The following GABRB1 variants were observed in gnomAD, a reference collection of about 807,000 sequenced individuals.
GABRB1 encodes the protein gamma-aminobutyric acid receptor subunit beta-1.
GABRB1 carries 17 observed loss-of-function variants against 51.6 expected under a neutral mutation model. The observed-to-expected ratio is 0.33, with a 90% CI of 0.23 to 0.49. The LOEUF is 0.49. GABRB1 is among the 20% of genes least tolerant of loss of function. GABRB1 has a pLI of 0.99. For synonymous variants in GABRB1, 247 were observed against 218.9 expected (o/e 1.13, Z -1.14); for missense variants, 410 against 600.6 (o/e 0.68, Z 3.32).
intron 4 of GABRB1, among the ~76,000 whole-genome samples, chr4:47,196,173 C>T (rs1719673951): frequency 6.6e-6 from 1 of 152,214 alleles, no homozygotes; most frequent in Admixed American, 6.5e-5. Flanking sequence ...GGTGAATCCT[C>T]AAATATACCC....
intron 5 of GABRB1, among the ~76,000 whole-genome samples, chr4:47,333,734 A>G (rs1407024122): frequency 6.6e-6 from 1 of 151,980 alleles, no homozygotes; most frequent in East Asian, 1.9e-4. Context: ...CCCAAAAAAA[A>G]GAATAGCTTG....
rs1034123447 is a variant in GABRB1, at chr4:47,356,475, A to G, written c.544+36266A>G. ...AAGATTTATTTTCTGATCATGTCCAATGAAGTACTCAGTCAATCTTGTCTG... is the reference window on the plus strand; with the variant it reads ...AAGATTTATTTTCTGATCATGTCCAGTGAAGTACTCAGTCAATCTTGTCTG... On this transcript the variant is annotated intron_variant, in intron 5 of 8. Coordinates refer to ENST00000295454, the MANE Select transcript of GABRB1 (RefSeq NM_000812.4). Among the ~76,000 whole-genome samples, 6 of 152,312 alleles carry G rather than the reference A, an allele frequency of 3.9e-5. No homozygotes were observed. The East Asian group carries it at 5.8e-4, about 15-fold the overall frequency.
At chr4:47,300,876 A>G (rs1724233568) in intron 4 of GABRB1, among the ~76,000 whole-genome samples, 1 of 152,170 alleles carries the variant, frequency 6.6e-6, no homozygotes, top group Non-Finnish European at 1.5e-5. Flanking sequence ...ATACAGATAC[A>G]TACATATGTA....
intron 4 of GABRB1, among the ~76,000 whole-genome samples, chr4:47,175,906 C>A (rs1209773290): frequency 6.6e-6 from 1 of 151,974 alleles, no homozygotes; most frequent in Admixed American, 6.6e-5. Context: ...AAGGTGGTAG[C>A]AAATTGTTAC....
At chr4:47,004,209 G>A (rs1159205094) in intron 1 of GABRB1, among the ~76,000 whole-genome samples, 3 of 152,062 alleles carry the variant, frequency 2.0e-5, no homozygotes, top group Non-Finnish European at 4.4e-5. Flanking sequence ...GGTTGGTCTC[G>A]ATCTCCTTAC....
chr4:47,156,737 G>C (rs921395560), intron 3 of GABRB1, among the ~76,000 whole-genome samples: 4 of 151,854 alleles, frequency 2.6e-5, no homozygotes, highest in South Asian at 2.1e-4. Flanking sequence ...GGGGGACCGA[G>C]GGGGGGCAGA....
In GABRB1 at chr4:47,024,933, C is replaced by CATATATATATATAT. The variant is rs34532575; in HGVS notation, c.-19-6976_-19-6963dup. ...TTTTTATGGCTGGGTAGTATTCCATCATATATATATATATATATGTTATTT... is the reference window on the plus strand; with the variant it reads ...TTTTTATGGCTGGGTAGTATTCCATCATATATATATATATATATATATATATATATATGTTATTT... On this transcript the variant is annotated intron_variant, in intron 1 of 3. Transcript: ENST00000513567. Among the ~76,000 whole-genome samples the CATATATATATATAT allele has an allele frequency of 4.6e-4, 40 of 86,202 alleles. 3 individuals carry two copies. Among genetic ancestry groups the CATATATATATATAT allele is most frequent in the African/African-American group, 1.1e-3 (23 of 20,114 alleles). The allele number at this position is 86,202 out of a possible 152,430, so 56.6% of individuals were successfully genotyped here.
At position 47,150,349 on chromosome 4, in the gene GABRB1, T is replaced by C. The variant is rs200722216; in HGVS notation, c.241-10900T>C. On this transcript the variant is annotated intron_variant, in intron 3 of 8. Coordinates refer to ENST00000295454, the MANE Select transcript of GABRB1 (RefSeq NM_000812.4). ...ACACACACACACACACACACGCACA[T>C]ACACACACACACACGCACATACACA... 2.3e-3 allele frequency among the ~76,000 whole-genome samples: 258 copies of C among 112,890 alleles called. 1 individual carries two copies. In the East Asian group the frequency reaches 0.033, roughly 14 times the overall value. The allele number at this position is 112,890 out of a possible 152,430, so 74.1% of individuals were successfully genotyped here. A position where few individuals can be genotyped will look rare whatever the true frequency, so the allele number is the denominator to read the frequency against.
chr4:47,377,459 A>C (rs1727428485), intron 5 of GABRB1, among the ~76,000 whole-genome samples: 1 of 136,814 alleles, frequency 7.3e-6, no homozygotes, highest in Admixed American at 7.1e-5. Flanking sequence ...TCAGGAGTGA[A>C]GCTGCAGACC....
chr4:47,056,071 A>C (rs1293784203), intron 3 of GABRB1, among the ~76,000 whole-genome samples: 1 of 152,228 alleles, frequency 6.6e-6, no homozygotes, highest in African/African-American at 2.4e-5. Flanking sequence ...TTGCTGATAC[A>C]TCCAAATTTC....
intron 4 of GABRB1, among the ~76,000 whole-genome samples, chr4:47,163,705 G>T (rs1470535678): frequency 2.0e-5 from 3 of 151,900 alleles, no homozygotes; most frequent in Non-Finnish European, 4.4e-5. Flanking sequence ...AAAGAAAAAA[G>T]AAACTTTTCA....
intron 4 of GABRB1, among the ~76,000 whole-genome samples, chr4:47,295,508 G>A (rs1723944505): frequency 1.3e-5 from 2 of 152,180 alleles, no homozygotes; most frequent in Admixed American, 1.3e-4. Flanking sequence ...AAGGGTATCA[G>A]TGATGGAAGA....
At chr4:47,337,575 C>T (rs1031787346) in intron 5 of GABRB1, among the ~76,000 whole-genome samples, 9 of 151,774 alleles carry the variant, frequency 5.9e-5, no homozygotes, top group African/African-American at 1.9e-4. Context: ...GAGGCCGAGG[C>T]AGGTGGATCA....
intron 4 of GABRB1, among the ~76,000 whole-genome samples, chr4:47,163,492 G>T (rs1718048806): frequency 6.6e-6 from 1 of 151,980 alleles, no homozygotes; most frequent in Non-Finnish European, 1.5e-5. Context: ...GTAGAAATTT[G>T]CCAGTGGACA....
intron 4 of GABRB1, among the ~76,000 whole-genome samples, chr4:47,214,193 C>A (rs1350570883): frequency 3.9e-5 from 6 of 152,180 alleles, no homozygotes; most frequent in African/African-American, 1.4e-4. Flanking sequence ...GTCCTGTGAA[C>A]TTTCAATGTC....
intron 4 of GABRB1, among the ~76,000 whole-genome samples, chr4:47,247,452 G>A (rs1289733505): frequency 6.6e-6 from 1 of 152,258 alleles, no homozygotes; most frequent in East Asian, 1.9e-4. Context: ...ATCAGGTAGT[G>A]TGATGCCTCC....
At chr4:47,268,351 T>C (rs1722722479) in intron 4 of GABRB1, among the ~76,000 whole-genome samples, 1 of 152,192 alleles carries the variant, frequency 6.6e-6, no homozygotes, top group Admixed American at 6.5e-5. Flanking sequence ...GAAGAATGTT[T>C]CAAAATATAA....
At chr4:47,350,288 G>T (rs73249622) in intron 5 of GABRB1, among the ~76,000 whole-genome samples, 315 of 140,394 alleles carry the variant, frequency 2.2e-3, no homozygotes, top group African/African-American at 3.7e-3. Context: ...TATATATATA[G>T]AGAGAGAGAG....
At chr4:47,048,751 G>C (rs751417817) in intron 3 of GABRB1, among the ~76,000 whole-genome samples, 4 of 152,096 alleles carry the variant, frequency 2.6e-5, no homozygotes, top group Non-Finnish European at 5.9e-5. Flanking sequence ...ATTTATAACA[G>C]AGCTGGGTTT....
Sources: gnomAD v4.1 joint callset for allele counts (sites outside exome capture counted in the v4.1 genomes callset) on GRCh38, gnomAD v4.1.1 for gene constraint, MANE v1.5 for transcripts, NCBI Gene and HGNC (gene_info 2026-07-23, HGNC 2026-07-21) for gene names.